TFCP2: variants seen among roughly 807,000 people sequenced by gnomAD.
The protein encoded by TFCP2 is transcription factor CP2.
TFCP2 carries 33 observed loss-of-function variants against 73.4 expected under a neutral mutation model. The observed-to-expected ratio is 0.45, with a 90% confidence interval of 0.34 to 0.60. The LOEUF (loss-of-function observed/expected upper bound fraction) is 0.60. TFCP2 is among the 20% of genes least tolerant of loss of function. The pLI, the probability that TFCP2 is intolerant of heterozygous loss-of-function variation, is 0.01. For missense variants in TFCP2, 352 were observed against 604.0 expected (o/e 0.58, Z 4.37); for synonymous variants, 193 against 211.6 (o/e 0.91, Z 0.76).
intron 1 of TFCP2, among the ~76,000 whole-genome samples, chr12:51,150,970 T>G (rs1031297143): frequency 6.6e-6 from 1 of 150,924 alleles, no homozygotes; most frequent in South Asian, 2.1e-4. Flanking sequence ...AGGGAAGAAA[T>G]AAAGCAGAGG....
chr12:51,172,533 C>T lies in TFCP2; in HGVS notation c.-111G>A. The T allele has an allele frequency of 6.8e-7, 1 of 1,463,468 alleles. No individual in the cohort carries two copies. Among genetic ancestry groups the T allele is most frequent in the Non-Finnish European group, 9.3e-7 (1 of 1,077,220 alleles). 90.7% of individuals were successfully genotyped at this position (1,463,468 alleles called of 1,614,324 possible). A position where few individuals can be genotyped will look rare whatever the true frequency, so the allele number is the denominator to read the frequency against. On this transcript the variant is annotated 5_prime_UTR_variant, in exon 1 of 15. Coordinates refer to ENST00000257915, the MANE Select transcript of TFCP2 (RefSeq NM_005653.5). ...AAGAAAACTACAAACCAAGGTTTCC[C>T]ACGCAGTGCCCACCAGCCACCCCCA...
chr12:51,164,798 T>C (rs1009723837), intron 1 of TFCP2, among the ~76,000 whole-genome samples: 5 of 151,938 alleles, frequency 3.3e-5, no homozygotes, highest in African/African-American at 1.2e-4. Context: ...GAGACAAATT[T>C]TTAGAAACAT....
At chr12:51,142,411 G>T (rs1941214658) in intron 1 of TFCP2, among the ~76,000 whole-genome samples, 2 of 151,876 alleles carry the variant, frequency 1.3e-5, no homozygotes, top group African/African-American at 2.4e-5. Flanking sequence ...ACTTCTTCAT[G>T]TACAATTTAA....
chr12:51,110,770 T>G, intron 5 of TFCP2, 107 bp downstream of exon 5: 1 of 858,790 alleles, frequency 1.2e-6, no homozygotes, highest in South Asian at 1.5e-5. Context: ...ACAGTCAGGC[T>G]AGAACCCTGT....
In TFCP2 at chr12:51,136,226, T is replaced by C. The variant is rs185380404; in HGVS notation, c.123-17454A>G. 7.7e-4 allele frequency among the ~76,000 whole-genome samples: 117 copies of C among 151,574 alleles called. 2 individuals carry two copies. The East Asian group carries it at 0.019, about 24-fold the overall frequency. ...CAGGAGGCTGAGGCAGGAGAATCTCTTGAACTTGGGAGGTGGAGGTTGCAG... is the reference window on the plus strand; with the variant it reads ...CAGGAGGCTGAGGCAGGAGAATCTCCTGAACTTGGGAGGTGGAGGTTGCAG... On this transcript the variant is annotated intron_variant, in intron 1 of 14. Coordinates refer to ENST00000257915, the MANE Select transcript of TFCP2 (RefSeq NM_005653.5).
At chr12:51,112,127 C>T (rs1940416730) in intron 4 of TFCP2, among the ~76,000 whole-genome samples, 1 of 152,182 alleles carries the variant, frequency 6.6e-6, no homozygotes, top group Non-Finnish European at 1.5e-5. Context: ...CCACTGTGCT[C>T]CAGCCTGGGT....
At chr12:51,128,478 T>TAAAAAAAAAAAAAAAAAAAAAA (rs11324129) in intron 1 of TFCP2, among the ~76,000 whole-genome samples, 1 of 137,306 alleles carries the variant, frequency 7.3e-6, no homozygotes. Flanking sequence ...AGTATAATAA[T>TAAAAAAAAAAAAAAAAAAAAAA]AAAAAAAAAA....
chr12:51,135,382 G>A (rs958191193), intron 1 of TFCP2, among the ~76,000 whole-genome samples: 17 of 151,942 alleles, frequency 1.1e-4, no homozygotes, highest in Non-Finnish European at 2.4e-4. Flanking sequence ...AGCCGAGATC[G>A]TGCCACTGCA....
chr12:51,129,832 TG>T (rs760698128), intron 1 of TFCP2, among the ~76,000 whole-genome samples: 4 of 24,620 alleles, frequency 1.6e-4, no homozygotes, highest in Non-Finnish European at 2.0e-4. Context: ...GTTCTAAAAC[TG>T]GGGGAAAAAA....
intron 4 of TFCP2, 125 bp from the exon 5 acceptor site, chr12:51,111,108 TTTG>T: frequency 1.7e-6 from 1 of 593,444 alleles, no homozygotes; most frequent in Non-Finnish European, 2.8e-6. Context: ...CCTAAATTTC[TTTG>T]TTTTTTTTTT....
At chr12:51,130,085 C>G (rs1031916821) in intron 1 of TFCP2, among the ~76,000 whole-genome samples, 7 of 151,774 alleles carry the variant, frequency 4.6e-5, no homozygotes, top group African/African-American at 1.5e-4. Flanking sequence ...TGGGAGGTCA[C>G]AGTGAGCCAT....
intron 4 of TFCP2, 116 bp downstream of exon 4, chr12:51,116,199 G>T: frequency 4.3e-6 from 2 of 464,178 alleles, no homozygotes; most frequent in South Asian, 5.8e-5. Context: ...TAATTTCAAG[G>T]TTTATACTAA....
intron 1 of TFCP2, among the ~76,000 whole-genome samples, chr12:51,160,579 GAGA>G (rs1256360065): frequency 6.6e-6 from 1 of 152,176 alleles, no homozygotes; most frequent in Admixed American, 6.5e-5. Flanking sequence ...CGCATACACT[GAGA>G]AGGAGGGTTG....
At chr12:51,111,395 C>T (rs975405075) in intron 4 of TFCP2, among the ~76,000 whole-genome samples, 30 of 152,168 alleles carry the variant, frequency 2.0e-4, no homozygotes, top group African/African-American at 2.4e-5. Flanking sequence ...ATCCACCCAC[C>T]TTGGCCTCCT....
Position 51,095,064 on chromosome 12 carries a change from A to G in TFCP2, c.*177T>C. ...TGGGCAGTAATCTGTGTGTACCACA[A>G]GAGCTTGGGCCAACACAGAGGGCCA... On this transcript the variant is annotated 3_prime_UTR_variant, in exon 15 of 15. Coordinates refer to ENST00000257915, the MANE Select transcript of TFCP2 (RefSeq NM_005653.5). 1.4e-6 allele frequency: 1 copy of G among 703,072 alleles called. No individual in the cohort carries two copies. The highest frequency in any genetic ancestry group is 2.5e-5 in the East Asian group (1 of 40,518). 43.6% of individuals were successfully genotyped at this position (703,072 alleles called of 1,614,324 possible).
rs146555623 is a variant in TFCP2, at chr12:51,136,038, G to T, written c.123-17266C>A. Among the ~76,000 whole-genome samples the T allele has an allele frequency of 7.2e-5, 11 of 152,116 alleles. No individual in the cohort carries two copies. In the East Asian group the frequency reaches 2.1e-3, roughly 29 times the overall value. On this transcript the variant is annotated intron_variant, in intron 1 of 14. Transcript: ENST00000257915. Reference sequence around the variant, plus strand: ...AGAAGGTTCCCTGGCCGGGCGCGGTGGCTCATGCCTGTAATCCCAACACTT... The same window carrying T: ...AGAAGGTTCCCTGGCCGGGCGCGGTTGCTCATGCCTGTAATCCCAACACTT...
intron 1 of TFCP2, among the ~76,000 whole-genome samples, chr12:51,126,986 A>T (rs775284607): frequency 1.3e-5 from 2 of 152,258 alleles, no homozygotes; most frequent in Non-Finnish European, 2.9e-5. Context: ...GCCAGTGATG[A>T]TACAAGATTT....
chr12:51,102,240 C>T (rs1040746638), intron 10 of TFCP2, among the ~76,000 whole-genome samples: 2 of 152,106 alleles, frequency 1.3e-5, no homozygotes, highest in African/African-American at 2.4e-5. Flanking sequence ...ATGCTTTCAT[C>T]ATACTGATGA....
chr12:51,116,864 G>A (rs759143464), intron 3 of TFCP2, among the ~76,000 whole-genome samples: 13 of 152,134 alleles, frequency 8.5e-5, no homozygotes, highest in African/African-American at 2.2e-4. Context: ...CGACCCGCCC[G>A]CCTCAGCCTC....
Sources: gnomAD v4.1 joint callset for allele counts (sites outside exome capture counted in the v4.1 genomes callset) on GRCh38, gnomAD v4.1.1 for gene constraint, MANE v1.5 for transcripts, NCBI Gene and HGNC (gene_info 2026-07-23, HGNC 2026-07-21) for gene names.